DNAH3: variants seen among roughly 807,000 people sequenced by gnomAD.
DNAH3 encodes the protein axonemal beta dynein heavy chain 3.
DNAH3 carries 332 observed loss-of-function variants against 432.5 expected under a neutral mutation model. The observed-to-expected ratio is 0.77, with a 90% CI of 0.70 to 0.84. DNAH3 has a LOEUF of 0.84. DNAH3 is among the 40% of genes least tolerant of loss of function. DNAH3 has a pLI of 0.00. For missense variants in DNAH3, 4,861 were observed against 5,114.0 expected, an observed-to-expected ratio of 0.95 and a Z score of 1.51; for synonymous variants, 1,956 against 1,900.2, an observed-to-expected ratio of 1.03 and a Z score of -0.76.
chr16:20,939,612 CAA>C (rs35683068), intron 59 of DNAH3, among the ~76,000 whole-genome samples: 84 of 97,560 alleles, frequency 8.6e-4, no homozygotes, highest in Admixed American at 2.1e-3. Flanking sequence ...GACTCTGTCT[CAA>C]AAAAAAAAAA....
chr16:21,085,879 C>T (rs1316567716), intron 19 of DNAH3, among the ~76,000 whole-genome samples: 1 of 152,084 alleles, frequency 6.6e-6, no homozygotes, highest in Non-Finnish European at 1.5e-5. Context: ...GCAATCCTCC[C>T]ACCTCAGCCT....
At chr16:21,053,918 T>C (rs1005871120) in intron 28 of DNAH3, among the ~76,000 whole-genome samples, 1 of 151,998 alleles carries the variant, frequency 6.6e-6, no homozygotes, top group African/African-American at 2.4e-5. Context: ...GCTTGCAACA[T>C]TGCCCATTTC....
At chr16:20,952,877 G>A (rs568622917) in intron 55 of DNAH3, among the ~76,000 whole-genome samples, 19 of 152,216 alleles carry the variant, frequency 1.2e-4, no homozygotes, top group East Asian at 1.9e-4. Context: ...AAATAACACC[G>A]CGGCATGGCT....
chr16:21,057,238 C>T (rs1165493409), intron 27 of DNAH3, among the ~76,000 whole-genome samples: 1 of 152,094 alleles, frequency 6.6e-6, no homozygotes, highest in Non-Finnish European at 1.5e-5. Context: ...GTGAGACCCC[C>T]GTCTCTAGTT....
At chr16:21,001,968 G>A (rs987493211) in intron 42 of DNAH3, among the ~76,000 whole-genome samples, 1 of 152,134 alleles carries the variant, frequency 6.6e-6, no homozygotes, top group African/African-American at 2.4e-5. Context: ...CAAATCCCTG[G>A]AGCTCAAGTG....
At chr16:20,966,186 C>CA (rs1455076989) in intron 52 of DNAH3, among the ~76,000 whole-genome samples, 1 of 150,784 alleles carries the variant, frequency 6.6e-6, no homozygotes, top group African/African-American at 2.4e-5. Flanking sequence ...TACAGGCACC[C>CA]ACCACCACAC....
At chr16:21,005,156 C>CT (rs61185156) in intron 41 of DNAH3, among the ~76,000 whole-genome samples, 2,523 of 144,588 alleles carry the variant, frequency 0.017, 81 homozygotes, top group African/African-American at 0.064. Flanking sequence ...TCGTCTCTTT[C>CT]TTTTCTTTCT....
intron 7 of DNAH3, among the ~76,000 whole-genome samples, chr16:21,131,140 C>A (rs1597451651): frequency 6.6e-6 from 1 of 152,094 alleles, no homozygotes; most frequent in East Asian, 1.9e-4. Flanking sequence ...AGTTCAAGCC[C>A]AGCCTAAGCA....
chr16:21,092,086 A>G lies in DNAH3; in HGVS notation c.2666-5026T>C, dbSNP rs571563487. On this transcript the variant is annotated intron_variant, in intron 18 of 61. Transcript: ENST00000261383. ...CACAATCCCAGTAAAAATCCCAGCAAGTTATTTTGTGGATATTGACAAGCC... is the reference window on the plus strand; with the variant it reads ...CACAATCCCAGTAAAAATCCCAGCAGGTTATTTTGTGGATATTGACAAGCC... 5.3e-5 allele frequency among the ~76,000 whole-genome samples: 8 copies of G among 152,326 alleles called. No individual in the cohort carries two copies. In the South Asian group the frequency reaches 1.7e-3, roughly 32 times the overall value.
intron 52 of DNAH3, among the ~76,000 whole-genome samples, chr16:20,965,892 T>C (rs946643529): frequency 6.6e-6 from 1 of 151,746 alleles, no homozygotes; most frequent in Non-Finnish European, 1.5e-5. Flanking sequence ...TTTGTATTTT[T>C]AGTAGAGACA....
At chr16:20,964,696 G>T in exon 53 of DNAH3, 2 of 1,614,184 alleles carry the variant, frequency 1.2e-6, no homozygotes, top group Non-Finnish European at 1.7e-6. Flanking sequence ...GATGGAGAAG[G>T]AGTCAACGGG....
exon 29 of DNAH3, chr16:21,051,767 G>C (rs1175235483): frequency 2.5e-6 from 4 of 1,614,144 alleles, no homozygotes; most frequent in Non-Finnish European, 3.4e-6. Flanking sequence ...ATCTGCACCT[G>C]CACATCCTTG....
chr16:21,031,352 G>T, intron 36 of DNAH3, 66 bp from the exon 37 acceptor site: 1 of 1,580,072 alleles, frequency 6.3e-7, no homozygotes, highest in Non-Finnish European at 8.6e-7. Flanking sequence ...AACAAGAGAT[G>T]ATGTCATCTC....
exon 52 of DNAH3, chr16:20,969,872 C>G: frequency 6.2e-7 from 1 of 1,614,154 alleles, no homozygotes; most frequent in Non-Finnish European, 8.5e-7. Context: ...TTTGACAGGG[C>G]CTGGTGGGTT....
At chr16:20,970,908 A>G (rs972178149) in intron 51 of DNAH3, among the ~76,000 whole-genome samples, 25 of 136,470 alleles carry the variant, frequency 1.8e-4, no homozygotes, top group Non-Finnish European at 3.2e-4. Context: ...TCTATCATCC[A>G]GGCTGGACTG....
At chr16:21,011,071 A>G (rs1255451539) in intron 41 of DNAH3, among the ~76,000 whole-genome samples, 31 of 151,916 alleles carry the variant, frequency 2.0e-4, no homozygotes, top group Admixed American at 2.0e-3. Flanking sequence ...TGGACAGGAG[A>G]TATTATAAGG....
intron 18 of DNAH3, among the ~76,000 whole-genome samples, chr16:21,091,139 C>T (rs1034305904): frequency 4.0e-5 from 6 of 151,594 alleles, no homozygotes; most frequent in Admixed American, 1.3e-4. Context: ...GGTGGCAGAG[C>T]GAGACCCCAT....
rs1322738875 is a variant in DNAH3, at chr16:20,966,015, T to A, written c.8459-590A>T. Among the ~76,000 whole-genome samples the A allele has an allele frequency of 2.0e-3, 23 of 11,780 alleles. 1 individual carries two copies. The South Asian group carries it at 0.028, about 14-fold the overall frequency. The allele number at this position is 11,780 out of a possible 152,430, so 7.7% of individuals were successfully genotyped here. A position where few individuals can be genotyped will look rare whatever the true frequency, so the allele number is the denominator to read the frequency against. On this transcript the variant is annotated intron_variant, in intron 52 of 61. Transcript: ENST00000261383. The stretch of plus-strand genomic sequence containing the variant: ...GGCCTGAGCCACCATGCCCAGCCAA[T>A]TTTTTTTTTTTTTTTTTTTTTTTTT...
At chr16:20,981,773 C>A (rs1334974372) in intron 49 of DNAH3, among the ~76,000 whole-genome samples, 1 of 151,708 alleles carries the variant, frequency 6.6e-6, no homozygotes, top group African/African-American at 2.4e-5. Flanking sequence ...AATGATTGAA[C>A]CTACTGTGTG....
Sources: gnomAD v4.1 joint callset for allele counts (sites outside exome capture counted in the v4.1 genomes callset) on GRCh38, gnomAD v4.1.1 for gene constraint, MANE v1.5 for transcripts, NCBI Gene and HGNC (gene_info 2026-07-23, HGNC 2026-07-21) for gene names.